The following DENND4A variants were observed in gnomAD, a reference collection of about 807,000 sequenced individuals.
The protein encoded by DENND4A is C-myc promoter-binding protein.
In DENND4A, 70 loss-of-function variants were observed where a neutral mutation model predicts 199.3. The ratio of observed to expected loss-of-function variants is 0.35; its 90% CI spans 0.29 to 0.43. DENND4A has a LOEUF of 0.43. Ranked by LOEUF, DENND4A falls within the 20% of genes least tolerant of loss-of-function variation. The probability of loss-of-function intolerance (pLI) is 1.00; values close to 1 mark genes in which losing one functional copy is unlikely to be tolerated. For missense variants in DENND4A, 1,723 were observed against 2,255.8 expected, an observed-to-expected ratio of 0.76 and a Z score of 4.78; for synonymous variants, 686 against 766.9, an observed-to-expected ratio of 0.89 and a Z score of 1.74.
intron 24 of DENND4A, among the ~76,000 whole-genome samples, 163 bp from the exon 25 acceptor site, chr15:65,672,049 C>T (rs1232510238): frequency 9.9e-5 from 15 of 152,066 alleles, no homozygotes; most frequent in Admixed American, 9.8e-4. Flanking sequence ...AAGATTTTTT[C>T]AAGGCATGAA....
chr15:65,732,961 C>CA (rs1596550095), intron 7 of DENND4A, 143 bp from the exon 8 acceptor site: 1 of 520,514 alleles, frequency 1.9e-6, no homozygotes, highest in Non-Finnish European at 3.4e-6. Context: ...AACAAGTGAA[C>CA]AACCAAAAAT....
chr15:65,681,449 T>C (rs2071628111), intron 23 of DENND4A: 1 of 152,140 alleles, frequency 6.6e-6, no homozygotes, highest in Non-Finnish European at 1.5e-5. Context: ...ATTTCTTAAA[T>C]ACTAAGTTAA....
intron 1 of DENND4A, among the ~76,000 whole-genome samples, chr15:65,769,050 T>C (rs567576868): frequency 9.9e-5 from 15 of 152,120 alleles, no homozygotes; most frequent in Non-Finnish European, 2.2e-4. Context: ...ATCCATTCTA[T>C]TGTTAATTGA....
At chr15:65,743,748 C>T (rs1372144652) in intron 4 of DENND4A, among the ~76,000 whole-genome samples, 1 of 152,052 alleles carries the variant, frequency 6.6e-6, no homozygotes, top group African/African-American at 2.4e-5. Flanking sequence ...GCAGAGGTTT[C>T]TAGGTAGAAG....
At position 65,706,790 on chromosome 15, in the gene DENND4A, G is replaced by A. The variant is rs1271117610; in HGVS notation, c.1954-566C>T. Among the ~76,000 whole-genome samples the A allele has an allele frequency of 5.3e-5, 8 of 152,086 alleles. No individual in the cohort carries two copies. In the East Asian group the frequency reaches 7.7e-4, roughly 15 times the overall value. ...ATTACAGGCGTGAGCCACAGCGCCC[G>A]GCCTTTCATTTTTGCTTATATTTAC... On this transcript the variant is annotated intron_variant, in intron 14 of 32. Coordinates refer to ENST00000443035, the MANE Select transcript of DENND4A (RefSeq NM_001320835.1).
chr15:65,718,655 T>A (rs1158091294), intron 12 of DENND4A, among the ~76,000 whole-genome samples: 1 of 151,646 alleles, frequency 6.6e-6, no homozygotes, highest in Admixed American at 6.6e-5. Flanking sequence ...TCCATTGTTC[T>A]CTCACCATCA....
chr15:65,743,048 G>A (rs918946661), intron 4 of DENND4A, among the ~76,000 whole-genome samples: 4 of 151,986 alleles, frequency 2.6e-5, no homozygotes, highest in Non-Finnish European at 4.4e-5. Context: ...ACAATTTAAC[G>A]TGATTTGTAC....
At chr15:65,791,279 G>GAAC (rs202214369) in intron 1 of DENND4A, among the ~76,000 whole-genome samples, 3 of 152,092 alleles carry the variant, frequency 2.0e-5, no homozygotes, top group East Asian at 1.9e-4. Context: ...AAGCACATTG[G>GAAC]AACAACAACA....
intron 11 of DENND4A, among the ~76,000 whole-genome samples, chr15:65,725,424 C>A (rs2075772000): frequency 6.6e-6 from 1 of 152,130 alleles, no homozygotes; most frequent in Non-Finnish European, 1.5e-5. Flanking sequence ...CGCCTGTAAT[C>A]CCAGCACTTT....
intron 16 of DENND4A, 94 bp downstream of exon 16, chr15:65,702,779 T>A (rs1285164717): frequency 1.3e-5 from 16 of 1,198,552 alleles, no homozygotes; most frequent in Non-Finnish European, 1.7e-5. Context: ...TAGTAATAGT[T>A]ATATATGAAG....
At chr15:65,771,671 C>G (rs2077129584) in intron 1 of DENND4A, 1 of 1,611,294 alleles carries the variant, frequency 6.2e-7, no homozygotes, top group African/African-American at 1.3e-5. Context: ...AGAATGTATA[C>G]TACCTGAAGG....
intron 12 of DENND4A, among the ~76,000 whole-genome samples, chr15:65,721,564 G>A (rs970103176): frequency 3.4e-5 from 5 of 147,262 alleles, no homozygotes; most frequent in Non-Finnish European, 7.4e-5. Flanking sequence ...GAGGCATTTG[G>A]ACTTAAAGAT....
chr15:65,738,963 A>T (rs1043807101), intron 5 of DENND4A, 88 bp from the exon 6 acceptor site: 2 of 1,036,844 alleles, frequency 1.9e-6, no homozygotes, highest in African/African-American at 3.3e-5. Context: ...TTGTTATTTC[A>T]CACATTTGGA....
intron 11 of DENND4A, among the ~76,000 whole-genome samples, chr15:65,724,617 G>C (rs2075750321): frequency 6.6e-6 from 1 of 151,998 alleles, no homozygotes; most frequent in Non-Finnish European, 1.5e-5. Context: ...GGATAAGAAA[G>C]CTTAAGCTGA....
chr15:65,755,283 G>A (rs1047555427), intron 3 of DENND4A, among the ~76,000 whole-genome samples: 1 of 152,182 alleles, frequency 6.6e-6, no homozygotes, highest in African/African-American at 2.4e-5. Flanking sequence ...TTTTTGGCAT[G>A]ATAAAAATGT....
chr15:65,690,772 C>T lies in DENND4A; in HGVS notation c.3822G>A (p.Arg1274=). Residue 1274 remains arginine (R), a synonymous_variant, in exon 23 of 33, where the codon CGG becomes CGA. Coordinates refer to ENST00000443035, the MANE Select transcript of DENND4A (RefSeq NM_001320835.1). The part of the protein sequence containing the change: ...TSRTPSIDLQ[R]ACDDKLNKKS... ...TCTTATTTAATTTATCATCACATGC[C>T]CGTTGTAAATCAATGCTTGGTGTAC... The T allele has an allele frequency of 1.2e-6, 2 of 1,613,422 alleles. No individual in the cohort carries two copies. The highest frequency in any genetic ancestry group is 1.7e-6 in the Non-Finnish European group (2 of 1,179,734).
chr15:65,670,284 C>A, intron 25 of DENND4A, 96 bp from the exon 26 acceptor site: 1 of 1,076,172 alleles, frequency 9.3e-7, no homozygotes. Context: ...ATAATTAAAA[C>A]CCAGAAGGAT....
intron 1 of DENND4A, among the ~76,000 whole-genome samples, chr15:65,785,125 CAA>C (rs777538162): frequency 1.5e-5 from 2 of 129,252 alleles, no homozygotes; most frequent in Non-Finnish European, 1.7e-5. Flanking sequence ...GACTCTGTCT[CAA>C]AAAAAAAAAA....
chr15:65,783,766 A>G (rs942785360), intron 1 of DENND4A, among the ~76,000 whole-genome samples: 3 of 152,240 alleles, frequency 2.0e-5, no homozygotes, highest in Admixed American at 6.5e-5. Flanking sequence ...TATGACCCCA[A>G]GTATAAAATA....
Sources: allele counts gnomAD v4.1 joint callset (sites outside exome capture counted in the v4.1 genomes callset), GRCh38; gene constraint gnomAD v4.1.1; transcripts MANE v1.5; gene names NCBI Gene and HGNC (gene_info 2026-07-23, HGNC 2026-07-21).